Variants in CASD1 observed in about 807,000 individuals in gnomAD.
The protein encoded by CASD1 is N-acetylneuraminate (7)9-O-acetyltransferase.
A neutral mutation model predicts 100.0 loss-of-function variants in CASD1; 41 were observed. The ratio of observed to expected loss-of-function variants is 0.41; its 90% CI spans 0.32 to 0.53. The LOEUF is 0.53. Ranked by LOEUF, CASD1 falls within the 20% of genes least tolerant of loss-of-function variation. The pLI is 0.25. For missense variants in CASD1, 774 were observed against 948.7 expected (o/e 0.82, Z 2.42); for synonymous variants, 321 against 315.6 (o/e 1.02, Z -0.18).
At chr7:94,589,013 T>C in the CASD1 span, 13 of 428,830 alleles carry the variant, frequency 3.0e-5, no homozygotes, top group Admixed American at 2.4e-4. Context: ...ATTTTTCCCA[T>C]TTTATGGGTG....
chr7:94,588,689 C>T, the CASD1 span: 5 of 1,592,970 alleles, frequency 3.1e-6, no homozygotes, highest in South Asian at 3.3e-5. Context: ...TAGCACTCAC[C>T]TGTAGTCTGC....
intron 5 of CASD1, among the ~76,000 whole-genome samples, chr7:94,529,173 G>C (rs949555020): frequency 6.6e-6 from 1 of 152,130 alleles, no homozygotes; most frequent in Non-Finnish European, 1.5e-5. Flanking sequence ...TAAATGTCCA[G>C]AAGTGTAGAA....
At chr7:94,600,492 C>A in the CASD1 span, 1 of 615,354 alleles carries the variant, frequency 1.6e-6, no homozygotes, top group Non-Finnish European at 2.9e-6. Context: ...TATTTTAATT[C>A]ATTTTAAAGG....
At chr7:94,542,607 T>C (rs1382407727) in intron 10 of CASD1, among the ~76,000 whole-genome samples, 3 of 152,190 alleles carry the variant, frequency 2.0e-5, no homozygotes, top group Non-Finnish European at 2.9e-5. Flanking sequence ...AGGGCTGAAC[T>C]TGGTAGCTTT....
rs555282358 is a variant in CASD1, at chr7:94,532,419, G to A, written c.460-786G>A. 2.6e-5 allele frequency among the ~76,000 whole-genome samples: 4 copies of A among 152,122 alleles called. No homozygotes were observed. The South Asian group carries it at 6.2e-4, about 24-fold the overall frequency. On this transcript the variant is annotated intron_variant, in intron 5 of 17. Coordinates refer to ENST00000297273, the MANE Select transcript of CASD1 (RefSeq NM_022900.5). ...TGACAGTTGGTCTGATAACTGAGAC[G>A]GCCACTAAGTGACTAATGGGCAGGT...
At chr7:94,606,506 A>G in the CASD1 span, among the ~76,000 whole-genome samples, 1 of 152,224 alleles carries the variant, frequency 6.6e-6, no homozygotes, top group Non-Finnish European at 1.5e-5. Context: ...TGCAAAGAGA[A>G]ATAGATGAAT....
At chr7:94,545,825 T>C in intron 12 of CASD1, 124 bp downstream of exon 12, 1 of 566,032 alleles carries the variant, frequency 1.8e-6, no homozygotes, top group Non-Finnish European at 2.9e-6. Context: ...TATGTAGTTT[T>C]AACATTTTGA....
At position 94,518,309 on chromosome 7, in the gene CASD1, G is replaced by A. The variant is rs1794079035; in HGVS notation, c.337G>A (p.Glu113Lys). 1 of 1,573,838 alleles carries A rather than the reference G, an allele frequency of 6.4e-7. No homozygotes were observed. Residue 113 changes from glutamate to lysine, a missense_variant, in exon 3 of 18, where the codon GAA becomes AAA. Glu to Lys is a moderately conservative substitution (Grantham distance 56). This residue lies in a region of CASD1 where 61 missense variants were observed against 115.9 expected (regional missense o/e 0.53). Transcript: ENST00000297273. ...AAAAATAATTAATCCCCAATTCAAA[G>A]AAGAAGGAAATAAGGTAAAACTTGT... ...FVKIINPQFK[E>K]EGNKHENIPF... is the part of the protein sequence containing the mutation.
chr7:94,544,383 T>C (rs1248103644), intron 10 of CASD1, 28 bp from the exon 11 acceptor site: 3 of 1,611,520 alleles, frequency 1.9e-6, no homozygotes, highest in Admixed American at 3.3e-5. Flanking sequence ...TGCCAACATA[T>C]GTTTTACCTG....
chr7:94,528,141 T>A (rs1794665826), intron 4 of CASD1, 47 bp from the exon 5 acceptor site: 1 of 1,259,360 alleles, frequency 7.9e-7, no homozygotes, highest in African/African-American at 1.5e-5. Flanking sequence ...ATGGTGGAAT[T>A]AAGAGTTTCT....
chr7:94,531,332 T>G (rs1181137623), intron 5 of CASD1, among the ~76,000 whole-genome samples: 1 of 152,144 alleles, frequency 6.6e-6, no homozygotes, highest in African/African-American at 2.4e-5. Flanking sequence ...GGACATATTT[T>G]CTTTACTCTC....
the CASD1 span, chr7:94,585,068 C>G: frequency 6.2e-6 from 1 of 160,726 alleles, no homozygotes; most frequent in Admixed American, 6.2e-5. Context: ...AAATGGGTTG[C>G]TCAACTGGAA....
At chr7:94,602,337 A>C in the CASD1 span, among the ~76,000 whole-genome samples, 20,236 of 152,126 alleles carry the variant, frequency 0.13, 4,431 homozygotes, top group African/African-American at 0.46. Context: ...AGGCATGAGA[A>C]GGAGAGTTCA....
chr7:94,598,020 G>GA, the CASD1 span: 31 of 167,864 alleles, frequency 1.8e-4, no homozygotes, highest in Non-Finnish European at 3.2e-4. Context: ...AAAAAAAAAA[G>GA]AAAAAAAGAG....
At chr7:94,586,634 G>A in the CASD1 span, 1 of 156,232 alleles carries the variant, frequency 6.4e-6, no homozygotes, top group Non-Finnish European at 1.4e-5. Flanking sequence ...CAAGTAGCTG[G>A]GATTACAGGT....
chr7:94,598,828 A>G, the CASD1 span: 2 of 1,613,470 alleles, frequency 1.2e-6, no homozygotes, highest in East Asian at 4.5e-5. Context: ...CTGTGTGTAA[A>G]GGAGGTATGA....
At chr7:94,586,076 A>AAAAAAAAAAAAAAAAAAAAT in the CASD1 span, among the ~76,000 whole-genome samples, 1 of 150,256 alleles carries the variant, frequency 6.7e-6, no homozygotes, top group African/African-American at 2.4e-5. Context: ...AAAAAAAAAA[A>AAAAAAAAAAAAAAAAAAAAT]AAAAAAAAAA....
At chr7:94,537,400 T>G (rs1795172632) in intron 8 of CASD1, 72 bp from the exon 9 acceptor site, 2 of 1,378,088 alleles carry the variant, frequency 1.5e-6, no homozygotes, top group African/African-American at 1.5e-5. Flanking sequence ...CTCAGTAGTA[T>G]TCACAGGAGA....
At chr7:94,587,107 T>G in the CASD1 span, 344 of 984,500 alleles carry the variant, frequency 3.5e-4, no homozygotes, top group Middle Eastern at 5.2e-4. Context: ...AAAAATAATT[T>G]TATAAATTAG....
Sources: gnomAD v4.1 joint callset for allele counts (sites outside exome capture counted in the v4.1 genomes callset) on GRCh38, gnomAD v4.1.1 for gene constraint, gnomAD v4.1.1 regional missense constraint, MANE v1.5 for transcripts, NCBI Gene and HGNC (gene_info 2026-07-23, HGNC 2026-07-21) for gene names.